CEP112: variants seen among roughly 807,000 people sequenced by gnomAD.
The protein encoded by CEP112 is centrosomal protein of 112 kDa.
A neutral mutation model predicts 153.0 loss-of-function variants in CEP112; 127 were observed. The ratio of observed to expected loss-of-function variants is 0.83; its 90% confidence interval spans 0.72 to 0.96. CEP112 has a LOEUF of 0.96. Ranked by LOEUF, CEP112 falls within the 40% of genes least tolerant of loss-of-function variation. The probability of loss-of-function intolerance (pLI) is 0.00; values close to 1 mark genes in which losing one functional copy is unlikely to be tolerated. For synonymous variants in CEP112, 358 were observed against 374.4 expected (o/e 0.96, Z 0.51); for missense variants, 1,089 against 1,101.2 (o/e 0.99, Z 0.16).
At chr17:65,731,409 C>T (rs902863678) in intron 23 of CEP112, among the ~76,000 whole-genome samples, 1 of 152,122 alleles carries the variant, frequency 6.6e-6, no homozygotes, top group African/African-American at 2.4e-5. Flanking sequence ...TTTCTTATTG[C>T]TAAGACATGC....
At chr17:66,149,625 T>G (rs1016897808) in intron 4 of CEP112, among the ~76,000 whole-genome samples, 3 of 152,114 alleles carry the variant, frequency 2.0e-5, no homozygotes, top group Non-Finnish European at 2.9e-5. Flanking sequence ...TGGTTGCTCA[T>G]AGTCCTCTCT....
At chr17:65,921,890 TA>T (rs553150749) in intron 19 of CEP112, among the ~76,000 whole-genome samples, 2 of 152,030 alleles carry the variant, frequency 1.3e-5, no homozygotes, top group Non-Finnish European at 2.9e-5. Context: ...CAAATTTATA[TA>T]TTTTTTTTAC....
At chr17:65,936,790 A>T (rs111787901) in intron 18 of CEP112, among the ~76,000 whole-genome samples, 1 of 126,216 alleles carries the variant, frequency 7.9e-6, no homozygotes, top group Non-Finnish European at 1.6e-5. Flanking sequence ...CTCTCCGTCT[A>T]CCTCTCCCCC....
At chr17:66,170,782 A>G (rs2072211784) in intron 4 of CEP112, among the ~76,000 whole-genome samples, 1 of 152,170 alleles carries the variant, frequency 6.6e-6, no homozygotes, top group South Asian at 2.1e-4. Flanking sequence ...AAAAAAAGAA[A>G]AAGAAAATAG....
intron 21 of CEP112, among the ~76,000 whole-genome samples, chr17:65,812,371 T>C (rs1693991141): frequency 1.3e-5 from 2 of 152,176 alleles, no homozygotes; most frequent in South Asian, 4.1e-4. Flanking sequence ...GGGATATTTC[T>C]CCAGGATATT....
intron 21 of CEP112, among the ~76,000 whole-genome samples, chr17:65,843,533 G>A (rs1953429373): frequency 6.6e-6 from 1 of 152,162 alleles, no homozygotes; most frequent in Non-Finnish European, 1.5e-5. Context: ...GTCTTCATAA[G>A]TTAATATTAA....
intron 4 of CEP112, among the ~76,000 whole-genome samples, chr17:66,163,121 A>C (rs1249505788): frequency 1.3e-5 from 2 of 152,138 alleles, no homozygotes; most frequent in African/African-American, 4.8e-5. Flanking sequence ...GCAATCGGAG[A>C]AGGGTACCCA....
At chr17:65,951,735 C>G in intron 18 of CEP112, among the ~76,000 whole-genome samples, 1 of 108,138 alleles carries the variant, frequency 9.2e-6, no homozygotes. Flanking sequence ...CTGCTCTAAT[C>G]TTCCCCCGCC....
intron 20 of CEP112, among the ~76,000 whole-genome samples, chr17:65,885,491 A>T (rs988553540): frequency 8.4e-4 from 125 of 148,746 alleles, no homozygotes; most frequent in African/African-American, 2.4e-3. Context: ...TTTCCTTTTT[A>T]AAAAAAAAAC....
intron 24 of CEP112, among the ~76,000 whole-genome samples, chr17:65,679,465 A>G (rs1404216562): frequency 6.6e-6 from 1 of 152,190 alleles, no homozygotes; most frequent in African/African-American, 2.4e-5. Flanking sequence ...GTGCTTTGGG[A>G]TGAAACATAG....
intron 23 of CEP112, among the ~76,000 whole-genome samples, chr17:65,704,953 C>T (rs930312882): frequency 2.6e-5 from 4 of 152,160 alleles, no homozygotes; most frequent in African/African-American, 9.7e-5. Flanking sequence ...AAGTTTCTTC[C>T]ACTCCCTCCT....
At chr17:66,171,587 GA>G (rs2072245820) in intron 4 of CEP112, among the ~76,000 whole-genome samples, 1 of 152,034 alleles carries the variant, frequency 6.6e-6, no homozygotes, top group Non-Finnish European at 1.5e-5. Flanking sequence ...AAATAAGACA[GA>G]ACCATCAATA....
At chr17:65,949,993 C>A (rs936977483) in intron 18 of CEP112, among the ~76,000 whole-genome samples, 2 of 152,108 alleles carry the variant, frequency 1.3e-5, no homozygotes, top group African/African-American at 4.8e-5. Flanking sequence ...CATCACAATA[C>A]ACATCCATCA....
chr17:65,751,811 G>A (rs1467821833), intron 21 of CEP112, among the ~76,000 whole-genome samples: 4 of 152,006 alleles, frequency 2.6e-5, no homozygotes, highest in East Asian at 1.9e-4. Context: ...ATGAGAAAAC[G>A]AAGACACAGA....
chr17:65,639,832 C>CTTTTT (rs2045005378), intron 25 of CEP112, among the ~76,000 whole-genome samples: 1 of 110,452 alleles, frequency 9.1e-6, no homozygotes, highest in African/African-American at 3.2e-5. Context: ...TTCTCTCTTT[C>CTTTTT]TTTCTTTTTT....
chr17:65,640,142 A>ATG (rs2045035459), intron 25 of CEP112, among the ~76,000 whole-genome samples: 3 of 96,420 alleles, frequency 3.1e-5, no homozygotes, highest in African/African-American at 1.9e-4. Flanking sequence ...CCGACCATAT[A>ATG]TATATATATA....
chr17:66,055,879 T>C (rs1454321095), intron 11 of CEP112, among the ~76,000 whole-genome samples: 1 of 152,190 alleles, frequency 6.6e-6, no homozygotes, highest in Non-Finnish European at 1.5e-5. Flanking sequence ...CCAGAGGTGA[T>C]TAAAATGTAT....
chr17:66,130,755 G>T (rs888072651), intron 5 of CEP112, among the ~76,000 whole-genome samples: 4 of 128,838 alleles, frequency 3.1e-5, no homozygotes, highest in East Asian at 2.1e-4. Context: ...CAGCCTGGGC[G>T]ACAGAGCGAG....
chr17:65,710,388 T>G (rs2049115322), intron 23 of CEP112, among the ~76,000 whole-genome samples: 1 of 152,220 alleles, frequency 6.6e-6, no homozygotes, highest in African/African-American at 2.4e-5. Flanking sequence ...TTCTGTGATT[T>G]TCTTATTAAT....
Sources: gnomAD v4.1 joint callset for allele counts (sites outside exome capture counted in the v4.1 genomes callset) on GRCh38, gnomAD v4.1.1 for gene constraint, MANE v1.5 for transcripts, NCBI Gene and HGNC (gene_info 2026-07-23, HGNC 2026-07-21) for gene names.